ZNF225: variants seen among roughly 807,000 people sequenced by gnomAD.
ZNF225 encodes the protein zinc finger protein 225.
Under a neutral mutation model 12.0 loss-of-function variants are expected in ZNF225, and 6 were observed. The observed-to-expected ratio is 0.50, with a 90% CI of 0.27 to 0.98. The LOEUF is 0.98. Ranked by LOEUF, ZNF225 falls within the 50% of genes least tolerant of loss-of-function variation. ZNF225 has a pLI of 0.11. For missense variants in ZNF225, 763 were observed against 848.2 expected, an observed-to-expected ratio of 0.90 and a Z score of 1.25; for synonymous variants, 271 against 283.2, an observed-to-expected ratio of 0.96 and a Z score of 0.43.
intron 4 of ZNF225, among the ~76,000 whole-genome samples, chr19:44,123,174 T>C (rs893391637): frequency 6.6e-6 from 1 of 152,194 alleles, no homozygotes. Flanking sequence ...GTCCCTTGTA[T>C]GCCGATTTTG....
At chr19:44,112,132 C>T (rs559969940), upstream of ZNF225, 2 of 152,168 alleles carry the variant, frequency 1.3e-5, no homozygotes, top group Admixed American at 6.5e-5. Flanking sequence ...TCAGTTATGA[C>T]GTTTACATAG....
chr19:44,114,445 G>T (rs192171813), intron 1 of ZNF225, among the ~76,000 whole-genome samples: 1 of 152,134 alleles, frequency 6.6e-6, no homozygotes, highest in Non-Finnish European at 1.5e-5. Flanking sequence ...TTTTTCTGAT[G>T]TATTTCACGT....
intron 1 of ZNF225, among the ~76,000 whole-genome samples, chr19:44,114,834 A>G (rs960360337): frequency 5.9e-5 from 9 of 152,178 alleles, no homozygotes; most frequent in African/African-American, 2.4e-5. Context: ...TCTTATTGCA[A>G]CATAACAGGG....
intron 4 of ZNF225, chr19:44,130,148 C>T (rs896203648): frequency 3.9e-5 from 6 of 152,466 alleles, no homozygotes; most frequent in Non-Finnish European, 5.9e-5. Context: ...CCTGTAATCC[C>T]AGCACTTTGG....
In ZNF225 at chr19:44,131,235, T is replaced by A. The variant is rs1385403032; in HGVS notation, c.621T>A (p.Asp207Glu). Reference protein sequence around the residue: ...VHMGEKLYNCDVCGKEFNQSS... With the variant: ...VHMGEKLYNCEVCGKEFNQSS... ...TGGGGGAGAAACTCTATAATTGTGA[T>A]GTGTGTGGTAAGGAATTCAATCAGA... The change falls in exon 5 of 5, where the codon GAT becomes GAA. Residue 207 changes from aspartate to glutamate, a missense_variant. Physicochemically the swap from Asp to Glu is conservative, Grantham distance 45 (BLOSUM62 2). Coordinates refer to ENST00000262894, the MANE Select transcript of ZNF225 (RefSeq NM_013362.4). The A allele has an allele frequency of 2.5e-6, 4 of 1,614,204 alleles. No individual in the cohort carries two copies. The highest frequency in any genetic ancestry group is 3.4e-6 in the Non-Finnish European group (4 of 1,180,024).
chr19:44,125,248 G>A (rs901603684), intron 4 of ZNF225, among the ~76,000 whole-genome samples: 1 of 152,114 alleles, frequency 6.6e-6, no homozygotes, highest in Non-Finnish European at 1.5e-5. Context: ...GGCAAATTCT[G>A]TCAGCGTTTG....
intron 4 of ZNF225, among the ~76,000 whole-genome samples, chr19:44,120,903 CTTTTT>C (rs113985967): frequency 1.4e-5 from 2 of 147,854 alleles, no homozygotes; most frequent in Non-Finnish European, 3.0e-5. Context: ...CCATTTCTCT[CTTTTT>C]TTTTTTTAAG....
intron 4 of ZNF225, among the ~76,000 whole-genome samples, chr19:44,118,859 C>G (rs1967996664): frequency 1.3e-5 from 2 of 151,722 alleles, no homozygotes; most frequent in East Asian, 1.9e-4. Flanking sequence ...CTGTGTCGCC[C>G]AGGCTGGAGT....
At chr19:44,121,546 T>C (rs1968057476) in intron 4 of ZNF225, among the ~76,000 whole-genome samples, 1 of 152,248 alleles carries the variant, frequency 6.6e-6, no homozygotes, top group Admixed American at 6.5e-5. Context: ...GTAGTTCTAC[T>C]TTTAGTTCTT....
In ZNF225 at chr19:44,130,947, A is replaced by C. The variant is rs773069326; in HGVS notation, c.333A>C (p.Leu111Phe). Residue 111 changes from leucine to phenylalanine, a missense_variant, in exon 5 of 5, where the codon TTA becomes TTC. Physicochemically the swap from Leu to Phe is conservative, Grantham distance 22. Transcript: ENST00000262894. The part of the protein sequence containing the change: ...HQTWEQISSD[L>F]TRFQDSMVNS... Reference sequence around the variant, plus strand: ...CCTGGGAACAAATTTCAAGTGACTTAACCAGGTTTCAAGACTCCATGGTAA... The same window carrying C: ...CCTGGGAACAAATTTCAAGTGACTTCACCAGGTTTCAAGACTCCATGGTAA... 6.2e-7 allele frequency: 1 copy of C among 1,614,144 alleles called. No individual in the cohort carries two copies. Among genetic ancestry groups the C allele is most frequent in the Admixed American group, 1.7e-5 (1 of 60,020 alleles).
chr19:44,127,897 C>T (rs1599679417), intron 4 of ZNF225, among the ~76,000 whole-genome samples: 1 of 152,144 alleles, frequency 6.6e-6, no homozygotes, highest in East Asian at 1.9e-4. Flanking sequence ...CCACCTCGGC[C>T]TCCCAAAGTG....
At position 44,133,873 on chromosome 19, in the gene ZNF225, A is replaced by AGAGATAGATTTGATTTTTATAATCAAAT. The variant is rs913330271; in HGVS notation, c.*1138_*1139insGAGATAGATTTGATTTTTATAATCAAAT. The AGAGATAGATTTGATTTTTATAATCAAAT allele has an allele frequency of 3.2e-4, 45 of 141,562 alleles. No individual in the cohort carries two copies. Among genetic ancestry groups the AGAGATAGATTTGATTTTTATAATCAAAT allele is most frequent in the African/African-American group, 1.2e-3 (43 of 35,268 alleles). The allele number at this position is 141,562 out of a possible 1,614,324, so 8.8% of individuals were successfully genotyped here. A position where few individuals can be genotyped will look rare whatever the true frequency, so the allele number is the denominator to read the frequency against. Reference sequence around the variant, plus strand: ...AGATTTGATTTTTATAATCAAATCTACTAGAGATAGATTTGATTTTTATAA... The same window carrying AGAGATAGATTTGATTTTTATAATCAAAT: ...AGATTTGATTTTTATAATCAAATCTAGAGATAGATTTGATTTTTATAATCAAATCTAGAGATAGATTTGATTTTTATAA... On this transcript the variant is annotated 3_prime_UTR_variant, in exon 5 of 5. Transcript: ENST00000262894.
intron 4 of ZNF225, chr19:44,129,266 C>A: frequency 2.3e-6 from 1 of 439,332 alleles, no homozygotes; most frequent in Non-Finnish European, 3.7e-6. Context: ...TGACAGCTCA[C>A]AGAAGACTGC....
Position 44,118,231 on chromosome 19 carries a change from A to G in ZNF225, c.59A>G (p.Glu20Gly). Residue 20 changes from glutamate (E) to glycine (G), a missense_variant, in exon 3 of 5, where the codon GAA (glutamate) becomes GGA (glycine). Coordinates refer to ENST00000262894, the MANE Select transcript of ZNF225 (RefSeq NM_013362.4). ...FKDVAVVFTEEELRLLDLAQR... is the reference protein window; with the variant it reads ...FKDVAVVFTEGELRLLDLAQR... ...GACGTGGCTGTGGTCTTCACTGAGGAAGAGCTGAGGCTGCTGGACCTTGCC... is the reference window on the plus strand; with the variant it reads ...GACGTGGCTGTGGTCTTCACTGAGGGAGAGCTGAGGCTGCTGGACCTTGCC... 1 of 1,613,312 alleles carries G rather than the reference A, an allele frequency of 6.2e-7. No individual in the cohort carries two copies.
rs750485489 is a variant in ZNF225 at position 44,118,256 on chromosome 19, C to T, written c.84C>T (p.Ala28=). 5.6e-6 allele frequency: 9 copies of T among 1,613,208 alleles called. 1 individual carries two copies. In the South Asian group the frequency reaches 9.9e-5, roughly 18 times the overall value. The change falls in exon 3 of 5, where the codon GCC becomes GCT. Residue 28 remains alanine (A), a synonymous_variant. Coordinates refer to ENST00000262894, the MANE Select transcript of ZNF225 (RefSeq NM_013362.4). The part of the protein sequence containing the change: ...TEEELRLLDL[A]QRKLYREVML... ...AAGAGCTGAGGCTGCTGGACCTTGC[C>T]CAGAGGAAACTGTACCGAGAAGTGA...
At position 44,132,676 on chromosome 19, in the gene ZNF225, C is replaced by G. The variant is rs777217272; in HGVS notation, c.2062C>G (p.Arg688Gly). The change falls in exon 5 of 5, where the codon CGC becomes GGC. Residue 688 changes from arginine to glycine, a missense_variant. By Grantham distance (125) the Arg-to-Gly change is moderately radical. Coordinates refer to ENST00000262894, the MANE Select transcript of ZNF225 (RefSeq NM_013362.4). ...KTSKCEDCGK[R>G]YKRRLNLDTL... ...ATCTAAATGTGAGGACTGTGGGAAG[C>G]GCTACAAGAGGCGCTTGAATCTTGA... 6.2e-7 allele frequency: 1 copy of G among 1,611,316 alleles called. No individual in the cohort carries two copies.
intron 4 of ZNF225, 45 bp downstream of exon 4, chr19:44,118,619 C>T (rs376836231): frequency 3.8e-5 from 60 of 1,568,246 alleles, no homozygotes; most frequent in Admixed American, 6.8e-5. Flanking sequence ...ACTCTCCCAT[C>T]GGTTTCACTT....
In ZNF225 at chr19:44,131,390, C is replaced by T; in HGVS notation, c.776C>T (p.Pro259Leu). The T allele has an allele frequency of 1.9e-6, 3 of 1,614,158 alleles. No homozygotes were observed. Among genetic ancestry groups the T allele is most frequent in the African/African-American group, 1.3e-5 (1 of 75,032 alleles). The change falls in exon 5 of 5, where the codon CCT becomes CTT. Residue 259 changes from proline (P) to leucine (L), a missense_variant. By Grantham distance (98) the Pro-to-Leu change is moderately conservative. Coordinates refer to ENST00000262894, the MANE Select transcript of ZNF225 (RefSeq NM_013362.4). The part of the protein sequence containing the change: ...VHRKLHTGVK[P>L]HICEKCGKAF... ...CGTAAATTACACACAGGAGTGAAAC[C>T]TCATATTTGTGAGAAATGTGGGAAG...
rs568449797 is a variant in ZNF225 at position 44,118,652 on chromosome 19, G to A, written c.235+78G>A. 2.0e-5 allele frequency: 29 copies of A among 1,426,210 alleles called. No homozygotes were observed. In the East Asian group the frequency reaches 7.0e-4, roughly 34 times the overall value. The allele number at this position is 1,426,210 out of a possible 1,614,324, so 88.3% of individuals were successfully genotyped here. On this transcript the variant is annotated intron_variant, in intron 4 of 4. Transcript: ENST00000262894. ...CTTCTGTCCATTGCCCAGCTCTGTT[G>A]TCCTGGTCTAAATGGCCAGACCTCT...
Sources: gnomAD v4.1 joint callset for allele counts (sites outside exome capture counted in the v4.1 genomes callset) on GRCh38, gnomAD v4.1.1 for gene constraint, MANE v1.5 for transcripts, NCBI Gene and HGNC (gene_info 2026-07-23, HGNC 2026-07-21) for gene names.